The following HSPA12B variants were observed in gnomAD, a reference collection of about 807,000 sequenced individuals.
HSPA12B encodes heat shock protein family A (Hsp70) member 12B.
Under a neutral mutation model 69.3 loss-of-function variants are expected in HSPA12B, and 54 were observed. That is an observed-to-expected ratio of 0.78 (90% CI 0.63 to 0.98). HSPA12B has a LOEUF of 0.98. Among genes scored for constraint, HSPA12B ranks in the 50% least tolerant of loss-of-function variants. The probability of loss-of-function intolerance (pLI) is 0.00; values close to 1 mark genes in which losing one functional copy is unlikely to be tolerated. For missense variants in HSPA12B, 929 were observed against 999.8 expected (o/e 0.93, Z 0.96); for synonymous variants, 441 against 436.5 (o/e 1.01, Z -0.13).
Position 3,749,953 on chromosome 20 carries a change from C to A in HSPA12B, c.1043-16C>A. On this transcript the variant is annotated splice_polypyrimidine_tract_variant and intron_variant, in intron 10 of 12. Transcript: ENST00000254963. The surrounding 1 kb of genome is among the most constrained non-coding windows in gnomAD (Gnocchi z 5.5). ...GGCGAGCGCTGACGCCCTCTTCGCC[C>A]CCTGCTCCACCCCAGGGGGCCCTTA... 6.4e-7 allele frequency: 1 copy of A among 1,552,882 alleles called. No homozygotes were observed. Among genetic ancestry groups the A allele is most frequent in the East Asian group, 2.4e-5 (1 of 41,642 alleles).
rs967282796 is a variant in HSPA12B at position 3,744,136 on chromosome 20, G to A, written c.267-766G>A. Among the ~76,000 whole-genome samples, 3 of 152,162 alleles carry A rather than the reference G, an allele frequency of 2.0e-5. No individual in the cohort carries two copies. The highest frequency in any genetic ancestry group is 1.3e-4 in the Admixed American group (2 of 15,274). On this transcript the variant is annotated intron_variant, in intron 4 of 12. Coordinates refer to ENST00000254963, the MANE Select transcript of HSPA12B (RefSeq NM_052970.5). This position sits in a 1 kb window ranked among gnomAD's most constrained non-coding sequence, Gnocchi z 4.9. Reference sequence around the variant, plus strand: ...GCTCTCAACCCAGACTGGGATGGGAGGTAAGAGGGGCTTCCCAAGGCCTGG... The same window carrying A: ...GCTCTCAACCCAGACTGGGATGGGAAGTAAGAGGGGCTTCCCAAGGCCTGG...
In HSPA12B at chr20:3,751,497, G is replaced by A. The variant is rs770620318; in HGVS notation, c.1406-14G>A. ...CTGCCCCCTTCACCCGCGTCCCCCC[G>A]TCCTGTCCCGCAGAGGCCCTGCTGG... On this transcript the variant is annotated splice_polypyrimidine_tract_variant and intron_variant, in intron 12 of 12. Transcript: ENST00000254963. The A allele has an allele frequency of 1.0e-5, 14 of 1,400,416 alleles. No individual in the cohort carries two copies. In the Admixed American group the frequency reaches 3.0e-4, roughly 30 times the overall value. The allele number at this position is 1,400,416 out of a possible 1,614,324, so 86.7% of individuals were successfully genotyped here. A position where few individuals can be genotyped will look rare whatever the true frequency, so the allele number is the denominator to read the frequency against.
rs1157874922 is a variant in HSPA12B, at chr20:3,751,780, G to C, written c.1675G>C (p.Glu559Gln). The stretch of plus-strand genomic sequence containing the variant: ...CTTTGTGCCTGGGCGCCACCCGCCC[G>C]AAAAGCTGCTGGTTCGCGACGGCCG... ...NRFVPGRHPP[E>Q]KLLVRDGRRW... Residue 559 changes from glutamate to glutamine, a missense_variant, in exon 13 of 13, where the codon GAA (glutamate) becomes CAA (glutamine). Physicochemically the swap from Glu to Gln is conservative, Grantham distance 29 (BLOSUM62 2). Transcript: ENST00000254963. 6.5e-7 allele frequency: 1 copy of C among 1,527,146 alleles called. No homozygotes were observed. The highest frequency in any genetic ancestry group is 8.8e-7 in the Non-Finnish European group (1 of 1,142,774). 94.6% of individuals were successfully genotyped at this position (1,527,146 alleles called of 1,614,324 possible).
intron 12 of HSPA12B, 129 bp from the exon 13 acceptor site, chr20:3,751,382 G>C (rs2088417122): frequency 1.8e-5 from 24 of 1,342,510 alleles, no homozygotes; most frequent in Non-Finnish European, 2.2e-5. Flanking sequence ...CTACTTTCTA[G>C]TCGCCAGGTA....
rs2088184633 is a variant in HSPA12B at position 3,740,674 on chromosome 20, C to T, written c.44-141C>T. 5.8e-6 allele frequency: 4 copies of T among 684,904 alleles called. No homozygotes were observed. Among genetic ancestry groups the T allele is most frequent in the Non-Finnish European group, 1.0e-5 (4 of 385,186 alleles). The allele number at this position is 684,904 out of a possible 1,614,324, so 42.4% of individuals were successfully genotyped here. A position where few individuals can be genotyped will look rare whatever the true frequency, so the allele number is the denominator to read the frequency against. ...GCGTCATGTGTGTCTTTCCTACACC[C>T]CGCAGTCCTCCTCCCCAGCAGAGAG... On this transcript the variant is annotated intron_variant, in intron 2 of 12. Coordinates refer to ENST00000254963, the MANE Select transcript of HSPA12B (RefSeq NM_052970.5). This position sits in a 1 kb window ranked among gnomAD's most constrained non-coding sequence, Gnocchi z 4.9.
At position 3,744,942 on chromosome 20, in the gene HSPA12B, A is replaced by C. The variant is rs1199519659; in HGVS notation, c.307A>C (p.Thr103Pro). The C allele has an allele frequency of 1.2e-6, 2 of 1,612,906 alleles. No homozygotes were observed. Among genetic ancestry groups the C allele is most frequent in the Non-Finnish European group, 1.7e-6 (2 of 1,179,922 alleles). ...AGACCCGGGCGTGGCCCACCAGAAG[A>C]CCCCGACCTGCCTGCTGCTGACTCC... is the stretch of plus-strand genomic sequence containing the variant. ...GGDPGVAHQK[T>P]PTCLLLTPEG... Residue 103 changes from threonine (T) to proline (P), a missense_variant, in exon 5 of 13, where the codon ACC becomes CCC. Physicochemically the swap from Thr to Pro is conservative, Grantham distance 38. This residue lies in a region of HSPA12B where 477 missense variants were observed against 535.2 expected (regional missense o/e 0.89). Transcript: ENST00000254963. This position sits in a 1 kb window ranked among gnomAD's most constrained non-coding sequence, Gnocchi z 4.9.
rs1308014272 is a variant in HSPA12B at position 3,745,236 on chromosome 20, A to G, written c.453+148A>G. ...GGGCGGGGCTAAAGGGAGACGTCGG[A>G]CTCCGGTGTGGGCGGAGCTCAGAAA... On this transcript the variant is annotated intron_variant, in intron 5 of 12. Coordinates refer to ENST00000254963, the MANE Select transcript of HSPA12B (RefSeq NM_052970.5). This position sits in a 1 kb window ranked among gnomAD's most constrained non-coding sequence, Gnocchi z 5.6. 11 of 759,004 alleles carry G rather than the reference A, an allele frequency of 1.4e-5. No individual in the cohort carries two copies. Among genetic ancestry groups the G allele is most frequent in the Non-Finnish European group, 2.3e-5 (11 of 475,716 alleles). The allele number at this position is 759,004 out of a possible 1,614,324, so 47.0% of individuals were successfully genotyped here. A position where few individuals can be genotyped will look rare whatever the true frequency, so the allele number is the denominator to read the frequency against.
intron 2 of HSPA12B, among the ~76,000 whole-genome samples, chr20:3,739,330 G>A (rs1015695692): frequency 6.6e-6 from 1 of 152,198 alleles, no homozygotes; most frequent in Non-Finnish European, 1.5e-5. Flanking sequence ...CTGTGCACAG[G>A]ATCTGTGTAC....
At chr20:3,747,763 G>A (rs974065091) in intron 7 of HSPA12B, among the ~76,000 whole-genome samples, 9 of 152,224 alleles carry the variant, frequency 5.9e-5, no homozygotes, top group East Asian at 5.8e-4. Flanking sequence ...AGTGGAGAAA[G>A]AGGGTTCAAT....
At chr20:3,739,007 CGTGT>C (rs1352003801) in intron 2 of HSPA12B, among the ~76,000 whole-genome samples, 1 of 151,920 alleles carries the variant, frequency 6.6e-6, no homozygotes, top group East Asian at 1.9e-4. Context: ...GGGCTGAGTG[CGTGT>C]GTTTGTGTGT....
rs1267552512 is a variant in HSPA12B at position 3,749,256 on chromosome 20, G to A, written c.875G>A (p.Arg292His). The stretch of plus-strand genomic sequence containing the variant: ...GCTCGGGAGCAGCTGCGAAGGTCCC[G>A]CCACAGCCGCACGTTCCTGGTGGAG... Reference protein sequence around the residue: ...RQAREQLRRSRHSRTFLVESG... With the variant: ...RQAREQLRRSHHSRTFLVESG... Residue 292 changes from arginine to histidine, a missense_variant, in exon 9 of 13, where the codon CGC becomes CAC. Arg to His is a conservative substitution (Grantham distance 29). Coordinates refer to ENST00000254963, the MANE Select transcript of HSPA12B (RefSeq NM_052970.5). This position sits in a 1 kb window ranked among gnomAD's most constrained non-coding sequence, Gnocchi z 5.5. The A allele has an allele frequency of 4.3e-6, 7 of 1,613,380 alleles. No homozygotes were observed. Among genetic ancestry groups the A allele is most frequent in the Non-Finnish European group, 5.1e-6 (6 of 1,179,828 alleles).
Position 3,745,060 on chromosome 20 carries a change from A to C in HSPA12B, c.425A>C (p.Lys142Thr), listed in dbSNP as rs200056447. 2 of 1,609,730 alleles carry C rather than the reference A, an allele frequency of 1.2e-6. No individual in the cohort carries two copies. Reference sequence around the variant, plus strand: ...GCGCGGGACTGGCTCTACTTCGAGAAGTTCAAGATGAAGATCCACAGCGCC... The same window carrying C: ...GCGCGGGACTGGCTCTACTTCGAGACGTTCAAGATGAAGATCCACAGCGCC... Reference protein sequence around the residue: ...EEARDWLYFEKFKMKIHSATD... With the variant: ...EEARDWLYFETFKMKIHSATD... Residue 142 changes from lysine (K) to threonine (T), a missense_variant, in exon 5 of 13, where the codon AAG becomes ACG. This residue lies in a region of HSPA12B where 477 missense variants were observed against 535.2 expected (regional missense o/e 0.89). Transcript: ENST00000254963. The surrounding 1 kb of genome is among the most constrained non-coding windows in gnomAD (Gnocchi z 5.6).
In HSPA12B at chr20:3,742,409, G is replaced by C. The variant is rs1312119931; in HGVS notation, c.266+1G>C. The C allele has an allele frequency of 6.2e-7, 1 of 1,607,694 alleles. No individual in the cohort carries two copies. The highest frequency in any genetic ancestry group is 8.5e-7 in the Non-Finnish European group (1 of 1,174,718). ...ACCCTGAGGCCATCCACATGATGAG[G>C]TGAGGTCGGCTGGGCTGAGAGAGTG... On this transcript the variant is annotated splice_donor_variant, in intron 4 of 12. Transcript: ENST00000254963. LOFTEE classifies it high-confidence loss of function.
chr20:3,751,311 GTGT>G, intron 12 of HSPA12B, 197 bp from the exon 13 acceptor site: 1 of 985,450 alleles, frequency 1.0e-6, no homozygotes, highest in Non-Finnish European at 1.2e-6. Context: ...GGGAGCGTGA[GTGT>G]TGGGGAGGCG....
chr20:3,750,338 A>G lies in HSPA12B; in HGVS notation c.1301+111A>G, dbSNP rs916950587. 2.6e-5 allele frequency: 31 copies of G among 1,172,294 alleles called. No homozygotes were observed. The African/African-American group carries it at 4.7e-4, about 18-fold the overall frequency. 72.6% of individuals were successfully genotyped at this position (1,172,294 alleles called of 1,614,324 possible). ...TGGGGGTCTGCCTGATTCATCCCAC[A>G]TATACACTAAGCCAGCAGGGCGTCG... On this transcript the variant is annotated intron_variant, in intron 11 of 12. Transcript: ENST00000254963.
chr20:3,745,153 TG>T lies in HSPA12B; in HGVS notation c.453+68del. 2 of 814,370 alleles carry T rather than the reference TG, an allele frequency of 2.5e-6. No homozygotes were observed. The highest frequency in any genetic ancestry group is 3.9e-6 in the Non-Finnish European group (2 of 513,360). The allele number at this position is 814,370 out of a possible 1,614,324, so 50.4% of individuals were successfully genotyped here. ...TGGAAAAGGGCAGGGCTAATGGGGG[TG>T]GGTGGGACAAAACCAAAACGTGTGA... On this transcript the variant is annotated intron_variant, in intron 5 of 12. Coordinates refer to ENST00000254963, the MANE Select transcript of HSPA12B (RefSeq NM_052970.5). This position sits in a 1 kb window ranked among gnomAD's most constrained non-coding sequence, Gnocchi z 5.6.
intron 4 of HSPA12B, among the ~76,000 whole-genome samples, chr20:3,743,722 G>A (rs557167621): frequency 6.6e-6 from 1 of 151,234 alleles, no homozygotes; most frequent in South Asian, 2.1e-4. Context: ...ACAGTTTTAG[G>A]GGGGTTTTTT....
intron 7 of HSPA12B, among the ~76,000 whole-genome samples, chr20:3,747,058 G>A (rs578255005): frequency 1.0e-3 from 152 of 152,294 alleles, no homozygotes; most frequent in African/African-American, 3.6e-3. Flanking sequence ...AAAGGGAGGC[G>A]ATTCTAGCCA....
At chr20:3,741,413 C>T (rs566232279) in intron 3 of HSPA12B, among the ~76,000 whole-genome samples, 2 of 152,168 alleles carry the variant, frequency 1.3e-5, no homozygotes, top group East Asian at 3.9e-4. Flanking sequence ...GGGCAGATTG[C>T]TTTGAGCTCA....
Sources: allele counts gnomAD v4.1 joint callset (sites outside exome capture counted in the v4.1 genomes callset), GRCh38; gene constraint gnomAD v4.1.1; regional missense constraint gnomAD v4.1.1; non-coding constraint Gnocchi (gnomAD v3.1); transcripts MANE v1.5; gene names NCBI Gene and HGNC (gene_info 2026-07-23, HGNC 2026-07-21).